The following APLF variants were observed in gnomAD, a reference collection of about 807,000 sequenced individuals.
APLF encodes aprataxin and PNK-like factor.
APLF carries 61 observed loss-of-function variants against 55.6 expected under a neutral mutation model. The observed-to-expected ratio is 1.10, with a 90% CI of 0.89 to 1.36. APLF has a LOEUF of 1.36. APLF is among the 40% of genes most tolerant of loss of function. The pLI, the probability that APLF is intolerant of heterozygous loss-of-function variation, is 0.00. For synonymous variants in APLF, 207 were observed against 214.8 expected, an observed-to-expected ratio of 0.96 and a Z score of 0.32; for missense variants, 611 against 602.5, an observed-to-expected ratio of 1.01 and a Z score of -0.15.
intron 2 of APLF, among the ~76,000 whole-genome samples, chr2:68,500,945 T>C (rs1023922732): frequency 1.3e-5 from 2 of 152,222 alleles, no homozygotes; most frequent in African/African-American, 4.8e-5. Context: ...GCTGTTAGCA[T>C]GGTGAAAGAT....
rs570397666 is a variant in APLF at position 68,530,133 on chromosome 2, T to C, written c.804+3891T>C. ...AATTTGCCTGAGACCATTCCTCAGG[T>C]CATTCAGGTGGTCATGGCCCAGCCA... On this transcript the variant is annotated intron_variant, in intron 6 of 9. Coordinates refer to ENST00000303795, the MANE Select transcript of APLF (RefSeq NM_173545.3). Among the ~76,000 whole-genome samples, 38 of 152,256 alleles carry C rather than the reference T, an allele frequency of 2.5e-4. No homozygotes were observed. The Middle Eastern group carries it at 0.01, about 41-fold the overall frequency.
At position 68,467,656 on chromosome 2, in the gene APLF, C is replaced by T. The variant is rs2103860920; in HGVS notation, c.-76C>T. 1 of 1,166,210 alleles carries T rather than the reference C, an allele frequency of 8.6e-7. No individual in the cohort carries two copies. Among genetic ancestry groups the T allele is most frequent in the East Asian group, 3.2e-5 (1 of 31,340 alleles). 72.2% of individuals were successfully genotyped at this position (1,166,210 alleles called of 1,614,324 possible). A position where few individuals can be genotyped will look rare whatever the true frequency, so the allele number is the denominator to read the frequency against. On this transcript the variant is annotated 5_prime_UTR_variant, in exon 1 of 10. Transcript: ENST00000303795. ...TGTTTTTTCCCAGGGCGTGGGCTTGCCCCGCGCGTGTCTGTGGAGGGCGGA... is the reference window on the plus strand; with the variant it reads ...TGTTTTTTCCCAGGGCGTGGGCTTGTCCCGCGCGTGTCTGTGGAGGGCGGA...
intron 6 of APLF, chr2:68,528,806 T>C: frequency 6.7e-7 from 1 of 1,486,126 alleles, no homozygotes. Flanking sequence ...GTCAGTCTGG[T>C]TGTTTTCTGT....
intron 5 of APLF, among the ~76,000 whole-genome samples, chr2:68,515,248 C>G (rs544920318): frequency 2.0e-5 from 3 of 151,372 alleles, no homozygotes; most frequent in African/African-American, 7.3e-5. Flanking sequence ...TATTCTACTA[C>G]AGTTGTTTTC....
At chr2:68,555,052 AG>A (rs1478083326) in intron 8 of APLF, among the ~76,000 whole-genome samples, 1 of 152,260 alleles carries the variant, frequency 6.6e-6, no homozygotes, top group East Asian at 1.9e-4. Flanking sequence ...GTGTTTATAA[AG>A]TGGGGAAAGG....
At position 68,578,403 on chromosome 2, in the gene APLF, G is replaced by A. The variant is rs1192585299; in HGVS notation, c.*381G>A. The A allele has an allele frequency of 1.0e-6, 1 of 993,374 alleles. No individual in the cohort carries two copies. The highest frequency in any genetic ancestry group is 1.2e-6 in the Non-Finnish European group (1 of 835,062). The allele number at this position is 993,374 out of a possible 1,614,324, so 61.5% of individuals were successfully genotyped here. A position where few individuals can be genotyped will look rare whatever the true frequency, so the allele number is the denominator to read the frequency against. ...TACTCTGCAAGTATAACCAGGCAAA[G>A]TACATGAAAACATGCCTCTTTTCAT... On this transcript the variant is annotated 3_prime_UTR_variant, in exon 10 of 10. Coordinates refer to ENST00000303795, the MANE Select transcript of APLF (RefSeq NM_173545.3).
At chr2:68,477,195 A>G (rs906682341) in intron 1 of APLF, among the ~76,000 whole-genome samples, 1 of 152,222 alleles carries the variant, frequency 6.6e-6, no homozygotes, top group African/African-American at 2.4e-5. Context: ...TGTAATACAT[A>G]CTGTACTTCT....
At chr2:68,524,865 A>G (rs1200351066) in intron 5 of APLF, among the ~76,000 whole-genome samples, 1 of 152,238 alleles carries the variant, frequency 6.6e-6, no homozygotes, top group Non-Finnish European at 1.5e-5. Flanking sequence ...ACAATTTGCC[A>G]TGGACAATTA....
chr2:68,578,149 T>C lies in APLF; in HGVS notation c.*127T>C, dbSNP rs1260843875. The stretch of plus-strand genomic sequence containing the variant: ...TTTGATAGTTAATGACTTTTACTAC[T>C]GACTCTTTACAAATGAGACATTGAA... On this transcript the variant is annotated 3_prime_UTR_variant, in exon 10 of 10. Transcript: ENST00000303795. 1 of 1,434,134 alleles carries C rather than the reference T, an allele frequency of 7.0e-7. No individual in the cohort carries two copies. The highest frequency in any genetic ancestry group is 1.5e-5 in the South Asian group (1 of 65,690). The allele number at this position is 1,434,134 out of a possible 1,614,324, so 88.8% of individuals were successfully genotyped here.
At chr2:68,542,764 A>G (rs1484369364) in intron 7 of APLF, among the ~76,000 whole-genome samples, 3 of 152,204 alleles carry the variant, frequency 2.0e-5, no homozygotes, top group Non-Finnish European at 4.4e-5. Context: ...CCTCAAAAAA[A>G]TTAAAGATAG....
chr2:68,531,318 A>G (rs766670897), intron 6 of APLF: 11 of 152,218 alleles, frequency 7.2e-5, no homozygotes, highest in Non-Finnish European at 1.3e-4. Flanking sequence ...TTGTAGTCCC[A>G]TGGCTGAGCT....
intron 2 of APLF, among the ~76,000 whole-genome samples, chr2:68,498,809 G>A (rs991748263): frequency 6.6e-6 from 1 of 152,218 alleles, no homozygotes; most frequent in African/African-American, 2.4e-5. Flanking sequence ...GGTCGTGGAT[G>A]ATTGAGGCAG....
In APLF at chr2:68,579,455, G is replaced by A. The variant is rs1671713794; in HGVS notation, c.*1433G>A. The A allele has an allele frequency of 2.2e-6, 2 of 906,982 alleles. No homozygotes were observed. Among genetic ancestry groups the A allele is most frequent in the South Asian group, 1.0e-4 (2 of 19,552 alleles). 56.2% of individuals were successfully genotyped at this position (906,982 alleles called of 1,614,324 possible). A position where few individuals can be genotyped will look rare whatever the true frequency, so the allele number is the denominator to read the frequency against. ...ATCTACTCCTAGGTATATACCCAGA[G>A]GAATTGAAAACATTTCCACATAAAA... is the stretch of plus-strand genomic sequence containing the variant. On this transcript the variant is annotated 3_prime_UTR_variant, in exon 10 of 10. Transcript: ENST00000303795.
At chr2:68,514,025 G>A (rs1017050462) in intron 5 of APLF, among the ~76,000 whole-genome samples, 3 of 151,644 alleles carry the variant, frequency 2.0e-5, no homozygotes, top group African/African-American at 7.3e-5. Flanking sequence ...AATGCCAGAC[G>A]AATTGATATA....
intron 8 of APLF, among the ~76,000 whole-genome samples, chr2:68,560,916 G>C (rs1671149815): frequency 1.3e-5 from 2 of 152,050 alleles, no homozygotes; most frequent in Admixed American, 1.3e-4. Flanking sequence ...AGAGTTACAT[G>C]CAAAAGGTAT....
At chr2:68,494,878 C>A (rs935217491) in intron 2 of APLF, among the ~76,000 whole-genome samples, 1 of 151,850 alleles carries the variant, frequency 6.6e-6, no homozygotes, top group Non-Finnish European at 1.5e-5. Context: ...ATATATATAC[C>A]CCATTTTCTT....
chr2:68,492,019 G>A (rs964847481), intron 2 of APLF, among the ~76,000 whole-genome samples: 2 of 152,086 alleles, frequency 1.3e-5, no homozygotes, highest in Non-Finnish European at 2.9e-5. Flanking sequence ...ATTTACTAAT[G>A]CATGAATATT....
intron 5 of APLF, among the ~76,000 whole-genome samples, chr2:68,522,314 G>C (rs1669919891): frequency 6.6e-6 from 1 of 151,842 alleles, no homozygotes; most frequent in Admixed American, 6.6e-5. Flanking sequence ...GCATTTTCAT[G>C]TGTTAATGTA....
intron 5 of APLF, among the ~76,000 whole-genome samples, chr2:68,523,306 C>T (rs1353609475): frequency 6.6e-6 from 1 of 151,898 alleles, no homozygotes; most frequent in Non-Finnish European, 1.5e-5. Context: ...ATAATATCCA[C>T]TGTTGGCAGA....
Sources: allele counts gnomAD v4.1 joint callset (sites outside exome capture counted in the v4.1 genomes callset), GRCh38; gene constraint gnomAD v4.1.1; transcripts MANE v1.5; gene names NCBI Gene and HGNC (gene_info 2026-07-23, HGNC 2026-07-21).